Variants in PRDM2 observed in about 807,000 individuals in gnomAD.
PRDM2 encodes PR domain zinc finger protein 2.
In PRDM2, 30 loss-of-function variants were observed where a neutral mutation model predicts 130.0. The observed-to-expected ratio is 0.23, with a 90% CI of 0.17 to 0.31. The LOEUF (loss-of-function observed/expected upper bound fraction) is 0.31, where lower values mean the gene tolerates loss of function less well. PRDM2 is among the 10% of genes least tolerant of loss of function. The pLI is 1.00. For synonymous variants in PRDM2, 871 were observed against 782.4 expected, an observed-to-expected ratio of 1.11 and a Z score of -1.89; for missense variants, 2,011 against 2,108.4, an observed-to-expected ratio of 0.95 and a Z score of 0.90.
intron 2 of PRDM2, among the ~76,000 whole-genome samples, chr1:13,721,269 A>G (rs896046843): frequency 6.6e-6 from 1 of 152,194 alleles, no homozygotes; most frequent in Non-Finnish European, 1.5e-5. Flanking sequence ...TCTTAATTCC[A>G]AAGAGTTAGC....
chr1:13,743,130 T>C (rs1194697166), intron 5 of PRDM2, among the ~76,000 whole-genome samples: 1 of 152,122 alleles, frequency 6.6e-6, no homozygotes. Flanking sequence ...ACGGGCGCAG[T>C]GGCTCACGCC....
At chr1:13,718,836 C>T (rs1191615371) in intron 2 of PRDM2, among the ~76,000 whole-genome samples, 1 of 152,118 alleles carries the variant, frequency 6.6e-6, no homozygotes, top group Non-Finnish European at 1.5e-5. Context: ...TGATACTTAA[C>T]TTTTGAGATG....
In PRDM2 at chr1:13,779,467, A is replaced by G. The variant is rs374821551; in HGVS notation, c.1672A>G (p.Ile558Val). ...GEADDVYIMD[I>V]SSNISENLNY... ...AGCAGATGATGTGTACATCATGGAC[A>G]TTTCTAGCAATATCTCTGAAAACTT... The change falls in exon 8 of 10, where the codon ATT becomes GTT. Residue 558 changes from isoleucine to valine, a missense_variant. By Grantham distance (29) the Ile-to-Val change is conservative (BLOSUM62 3). Around this residue, in one of 5 missense-constraint regions of PRDM2, gnomAD observed 1,288 missense variants for 1,237.7 expected, o/e 1.04. Coordinates refer to ENST00000311066, the MANE Select transcript of PRDM2 (RefSeq NM_001393986.1). This position sits in a 1 kb window ranked among gnomAD's most constrained non-coding sequence, Gnocchi z 4.9. 1.2e-4 allele frequency: 187 copies of G among 1,614,064 alleles called. 1 individual carries two copies. The highest frequency in any genetic ancestry group is 1.4e-4 in the Non-Finnish European group (168 of 1,180,022).
chr1:13,766,161 A>G (rs921111756), intron 6 of PRDM2, among the ~76,000 whole-genome samples: 2 of 152,086 alleles, frequency 1.3e-5, no homozygotes, highest in Admixed American at 6.6e-5. Flanking sequence ...TTCAACATCT[A>G]CCCTGTTCCC....
At chr1:13,736,258 A>G (rs1643269585) in intron 4 of PRDM2, among the ~76,000 whole-genome samples, 1 of 151,730 alleles carries the variant, frequency 6.6e-6, no homozygotes, top group African/African-American at 2.4e-5. Context: ...GGCCTGTGCC[A>G]CTATGCCACT....
intron 8 of PRDM2, chr1:13,787,684 G>T (rs1452799365): frequency 1.0e-6 from 1 of 982,774 alleles, no homozygotes; most frequent in Non-Finnish European, 1.2e-6. Flanking sequence ...CGCTTCAATT[G>T]TATTATATGT....
rs1337210519 is a variant in PRDM2 at position 13,780,232 on chromosome 1, T to C, written c.2437T>C (p.Ser813Pro). ...YKMSKEWTAS[S>P]AFSSVCNQQP... ...AATGTCTAAAGAGTGGACAGCTAGT[T>C]CTGCTTTTAGCAGTGTGTGCAACCA... is the stretch of plus-strand genomic sequence containing the variant. Residue 813 changes from serine (S) to proline (P), a missense_variant, in exon 8 of 10, where the codon TCT becomes CCT. Transcript: ENST00000311066. The C allele has an allele frequency of 6.2e-7, 1 of 1,610,890 alleles. No homozygotes were observed.
At position 13,782,702 on chromosome 1, in the gene PRDM2, G is replaced by C; in HGVS notation, c.4907G>C (p.Arg1636Pro). ...TTGGCGAGTAAGAAAAGAACAGACC[G>C]GTTCAATATAAAATCTAGAGAGCGG... Reference protein sequence around the residue: ...STLASKKRTDRFNIKSRERSG... With the variant: ...STLASKKRTDPFNIKSRERSG... Residue 1636 changes from arginine to proline, a missense_variant, in exon 8 of 10, where the codon CGG becomes CCG. Arg to Pro is a moderately radical substitution (Grantham distance 103). Around this residue, in one of 5 missense-constraint regions of PRDM2, gnomAD observed 410 missense variants for 395.9 expected, o/e 1.04. Coordinates refer to ENST00000311066, the MANE Select transcript of PRDM2 (RefSeq NM_001393986.1). 2 of 1,613,970 alleles carry C rather than the reference G, an allele frequency of 1.2e-6. No homozygotes were observed. The highest frequency in any genetic ancestry group is 2.2e-5 in the South Asian group (2 of 91,050).
intron 1 of PRDM2, among the ~76,000 whole-genome samples, chr1:13,708,039 G>A (rs892041158): frequency 2.6e-5 from 4 of 151,860 alleles, no homozygotes; most frequent in South Asian, 4.2e-4. Context: ...AAAGTATGAG[G>A]GAGAGCATAT....
chr1:13,738,243 C>CT (rs1365493848), intron 4 of PRDM2, among the ~76,000 whole-genome samples: 1 of 152,242 alleles, frequency 6.6e-6, no homozygotes, highest in Admixed American at 6.5e-5. Context: ...GACTCTTACA[C>CT]TTTTTTTGTG....
chr1:13,799,776 T>C (rs370595871), intron 8 of PRDM2, among the ~76,000 whole-genome samples: 2 of 152,204 alleles, frequency 1.3e-5, no homozygotes, highest in South Asian at 4.1e-4. Context: ...TCTAATTAAA[T>C]ATTATACAAG....
At chr1:13,750,497 G>A (rs1169455959) in intron 6 of PRDM2, among the ~76,000 whole-genome samples, 1 of 152,040 alleles carries the variant, frequency 6.6e-6, no homozygotes, top group African/African-American at 2.4e-5. Flanking sequence ...GTGAGTTGTG[G>A]AAGTCATACT....
intron 7 of PRDM2, among the ~76,000 whole-genome samples, chr1:13,773,883 G>A (rs950625492): frequency 6.6e-6 from 1 of 152,106 alleles, no homozygotes; most frequent in African/African-American, 2.4e-5. Context: ...TATATATTTA[G>A]TGAAAATTTT....
intron 6 of PRDM2, among the ~76,000 whole-genome samples, chr1:13,757,133 G>T (rs1403391747): frequency 6.6e-6 from 1 of 152,240 alleles, no homozygotes; most frequent in Admixed American, 6.5e-5. Flanking sequence ...AGTGTTTGGT[G>T]TAGGAGAGAC....
intron 7 of PRDM2, among the ~76,000 whole-genome samples, chr1:13,773,970 A>G (rs888455641): frequency 6.6e-6 from 1 of 152,254 alleles, no homozygotes; most frequent in African/African-American, 2.4e-5. Flanking sequence ...TTTACTTACA[A>G]TGTCAGAGAC....
chr1:13,726,386 G>A (rs1642916865), intron 2 of PRDM2, among the ~76,000 whole-genome samples: 1 of 152,198 alleles, frequency 6.6e-6, no homozygotes, highest in Non-Finnish European at 1.5e-5. Context: ...GTCAAAACTC[G>A]TGAATCAAAA....
At chr1:13,816,066 C>T (rs1024773562) in intron 8 of PRDM2, among the ~76,000 whole-genome samples, 1 of 152,186 alleles carries the variant, frequency 6.6e-6, no homozygotes, top group Non-Finnish European at 1.5e-5. Flanking sequence ...AAGGGCACAG[C>T]CGCTGTTCTG....
chr1:13,764,931 G>A (rs185478128), intron 6 of PRDM2, among the ~76,000 whole-genome samples: 47 of 152,308 alleles, frequency 3.1e-4, no homozygotes, highest in Non-Finnish European at 5.6e-4. Flanking sequence ...GAGCTTAACA[G>A]AATTTTTTAC....
chr1:13,742,247 C>A, intron 5 of PRDM2, 90 bp downstream of exon 5: 2 of 1,415,498 alleles, frequency 1.4e-6, no homozygotes, highest in Non-Finnish European at 1.9e-6. Context: ...GTCTCTCAGG[C>A]TGGAGTGCAG....
Sources: allele counts gnomAD v4.1 joint callset (sites outside exome capture counted in the v4.1 genomes callset), GRCh38; gene constraint gnomAD v4.1.1; regional missense constraint gnomAD v4.1.1; non-coding constraint Gnocchi (gnomAD v3.1); transcripts MANE v1.5; gene names NCBI Gene and HGNC (gene_info 2026-07-23, HGNC 2026-07-21).